Variants in TENM3 observed in about 807,000 individuals in gnomAD.
TENM3 encodes teneurin-3.
In TENM3, 63 loss-of-function variants were observed where a neutral mutation model predicts 255.1. That is an observed-to-expected ratio of 0.25 (90% CI 0.20 to 0.30). The LOEUF is 0.30. TENM3 is among the 10% of genes least tolerant of loss of function. TENM3 has a pLI of 1.00. For missense variants in TENM3, 2,929 were observed against 3,461.1 expected (o/e 0.85, Z 3.86); for synonymous variants, 1,306 against 1,322.3 (o/e 0.99, Z 0.27).
chr4:182,594,819 A>G (rs1413209491), intron 3 of TENM3, among the ~76,000 whole-genome samples: 3 of 151,654 alleles, frequency 2.0e-5, no homozygotes, highest in Non-Finnish European at 4.4e-5. Flanking sequence ...TCCTGGGTTC[A>G]TGCAATTCTC....
intron 5 of TENM3, among the ~76,000 whole-genome samples, chr4:182,637,588 T>C (rs1259349793): frequency 2.0e-5 from 3 of 152,212 alleles, no homozygotes; most frequent in Admixed American, 6.5e-5. Flanking sequence ...GTGACTTTGG[T>C]AATATAACAC....
the TENM3 span, among the ~76,000 whole-genome samples, chr4:181,451,276 C>T: frequency 6.6e-6 from 1 of 152,076 alleles, no homozygotes; most frequent in East Asian, 1.9e-4. Flanking sequence ...TGAGAGGAAC[C>T]CAGATGTCTA....
chr4:181,474,474 C>T, the TENM3 span, among the ~76,000 whole-genome samples: 14 of 152,128 alleles, frequency 9.2e-5, no homozygotes, highest in African/African-American at 2.4e-4. Flanking sequence ...CGGTGACTCA[C>T]GCCTGTAATC....
At chr4:182,722,312 G>A (rs1278209915) in intron 13 of TENM3, among the ~76,000 whole-genome samples, 2 of 151,390 alleles carry the variant, frequency 1.3e-5, no homozygotes. Flanking sequence ...AAAAAAGCAG[G>A]GCATCTCTCA....
the TENM3 span, among the ~76,000 whole-genome samples, chr4:181,885,005 A>G: frequency 3.3e-5 from 5 of 152,176 alleles, 1 homozygote; most frequent in Admixed American, 2.6e-4. Context: ...AAAAAATTAC[A>G]CTTTCTAGAT....
the TENM3 span, among the ~76,000 whole-genome samples, chr4:181,796,470 G>GA: frequency 6.6e-6 from 1 of 152,334 alleles, no homozygotes; most frequent in East Asian, 1.9e-4. Flanking sequence ...TTGAAAGTGG[G>GA]ATAGCATTTA....
At chr4:182,290,926 T>G (rs1253701585) in intron 1 of TENM3, among the ~76,000 whole-genome samples, 1 of 152,166 alleles carries the variant, frequency 6.6e-6, no homozygotes, top group East Asian at 1.9e-4. Flanking sequence ...GTTCAAGACA[T>G]CCTCCTGCCT....
At chr4:182,125,950 C>A in the TENM3 span, among the ~76,000 whole-genome samples, 12 of 151,948 alleles carry the variant, frequency 7.9e-5, no homozygotes, top group Non-Finnish European at 4.4e-5. Context: ...TAACAAGTAA[C>A]AAAGTAATGT....
chr4:182,234,754 A>G (rs898550787), intron 1 of TENM3, among the ~76,000 whole-genome samples: 1 of 152,168 alleles, frequency 6.6e-6, no homozygotes, highest in African/African-American at 2.4e-5. Flanking sequence ...AGAAGAAAAA[A>G]AAATGAAAGA....
intron 3 of TENM3, among the ~76,000 whole-genome samples, chr4:182,539,886 G>A (rs1020693881): frequency 3.4e-4 from 52 of 152,340 alleles, no homozygotes; most frequent in Admixed American, 4.6e-4. Context: ...CCCACGTGGA[G>A]ATGTCAGATA....
At chr4:181,920,901 G>A in the TENM3 span, among the ~76,000 whole-genome samples, 3 of 152,068 alleles carry the variant, frequency 2.0e-5, no homozygotes, top group East Asian at 1.9e-4. Flanking sequence ...GTCTTGAATT[G>A]ATTTTTGTAT....
chr4:181,500,823 T>C, the TENM3 span, among the ~76,000 whole-genome samples: 1 of 152,214 alleles, frequency 6.6e-6, no homozygotes, highest in South Asian at 2.1e-4. Context: ...TAGAAACTGC[T>C]TGGTGTTTCT....
chr4:181,670,598 C>T, the TENM3 span, among the ~76,000 whole-genome samples: 10 of 152,116 alleles, frequency 6.6e-5, no homozygotes, highest in African/African-American at 1.9e-4. Context: ...AGACACAAGG[C>T]ACTGAAGTTA....
chr4:182,680,743 CAT>C lies in TENM3; in HGVS notation c.1834+7_1834+8del, dbSNP rs765004649. ...AGGAGAAAGTTGTGAAGAAGGTAAA[CAT>C]GTCAATATTCACAGAAGTCTGTTGT... On this transcript the variant is annotated splice_region_variant and intron_variant, in intron 10 of 27. Coordinates refer to ENST00000511685, the MANE Select transcript of TENM3 (RefSeq NM_001080477.4). The C allele has an allele frequency of 7.8e-6, 12 of 1,543,346 alleles. No homozygotes were observed. The East Asian group carries it at 1.1e-4, about 15-fold the overall frequency.
chr4:182,170,218 A>G (rs1752008835), intron 1 of TENM3, among the ~76,000 whole-genome samples: 1 of 152,164 alleles, frequency 6.6e-6, no homozygotes, highest in South Asian at 2.1e-4. Flanking sequence ...GGCAATTTGT[A>G]TGTCGGTAAT....
At chr4:181,703,699 A>G in the TENM3 span, among the ~76,000 whole-genome samples, 3 of 152,244 alleles carry the variant, frequency 2.0e-5, no homozygotes, top group South Asian at 2.1e-4. Context: ...AGCAGGTGGA[A>G]GCAATGTCTG....
the TENM3 span, among the ~76,000 whole-genome samples, chr4:181,678,392 G>A: frequency 1.1e-4 from 16 of 152,114 alleles, no homozygotes; most frequent in South Asian, 3.3e-3. Flanking sequence ...TGCATTTCCT[G>A]CAGAGGTAAG....
chr4:182,628,315 C>T (rs1751028533), intron 4 of TENM3, among the ~76,000 whole-genome samples: 1 of 152,038 alleles, frequency 6.6e-6, no homozygotes, highest in Admixed American at 6.6e-5. Context: ...AGGGACATTC[C>T]AAAATGGTTT....
At chr4:182,141,548 C>T (rs1749429548), upstream of TENM3, 1 of 152,188 alleles carries the variant, frequency 6.6e-6, no homozygotes, top group Non-Finnish European at 1.5e-5. Context: ...ATTACAGGCG[C>T]AGGCAGACGT....
Sources: gnomAD v4.1 joint callset for allele counts (sites outside exome capture counted in the v4.1 genomes callset) on GRCh38, gnomAD v4.1.1 for gene constraint, MANE v1.5 for transcripts, NCBI Gene and HGNC (gene_info 2026-07-23, HGNC 2026-07-21) for gene names.